The following NPY variants were observed in gnomAD, a reference collection of about 807,000 sequenced individuals.
The protein encoded by NPY is neuropeptide Y.
NPY carries 11 observed loss-of-function variants against 13.2 expected under a neutral mutation model. That is an observed-to-expected ratio of 0.83 (90% CI 0.52 to 1.38). The LOEUF (loss-of-function observed/expected upper bound fraction) is 1.38, where lower values mean the gene tolerates loss of function less well. Ranked by LOEUF, NPY falls within the 40% of genes most tolerant of loss-of-function variation. The pLI is 0.00. For synonymous variants in NPY, 51 were observed against 55.6 expected, an observed-to-expected ratio of 0.92 and a Z score of 0.37; for missense variants, 109 against 125.1, an observed-to-expected ratio of 0.87 and a Z score of 0.61.
chr7:24,285,319 G>A lies in NPY; in HGVS notation c.79G>A (p.Glu27Lys). Residue 27 changes from glutamate to lysine, a missense_variant, in exon 2 of 4, where the codon GAG (glutamate) becomes AAG (lysine). Physicochemically the swap from Glu to Lys is moderately conservative, Grantham distance 56 (BLOSUM62 1). Coordinates refer to ENST00000242152, the MANE Select transcript of NPY (RefSeq NM_000905.4). This position sits in a 1 kb window ranked among gnomAD's most constrained non-coding sequence, Gnocchi z 4.9. ...SLLVCLGALA[E>K]AYPSKPDNPG... ...GCTCGTGTGCCTGGGTGCGCTGGCC[G>A]AGGCGTACCCCTCCAAGCCGGACAA... 2.5e-6 allele frequency: 4 copies of A among 1,614,012 alleles called. No individual in the cohort carries two copies. Among genetic ancestry groups the A allele is most frequent in the Non-Finnish European group, 3.4e-6 (4 of 1,180,012 alleles).
intron 2 of NPY, among the ~76,000 whole-genome samples, chr7:24,288,337 G>C (rs1787468517): frequency 6.6e-6 from 1 of 152,170 alleles, no homozygotes; most frequent in Non-Finnish European, 1.5e-5. Context: ...ACAGGGAGTT[G>C]TTTTGTTTTT....
At chr7:24,291,385 C>T (rs373352194) in intron 3 of NPY, among the ~76,000 whole-genome samples, 2 of 152,132 alleles carry the variant, frequency 1.3e-5, no homozygotes, top group Non-Finnish European at 2.9e-5. Flanking sequence ...GGGTGTTCTT[C>T]GGCTCCTTTG....
chr7:24,287,517 G>T (rs557075502), intron 2 of NPY, among the ~76,000 whole-genome samples: 1 of 134,226 alleles, frequency 7.5e-6, no homozygotes, highest in African/African-American at 2.9e-5. Flanking sequence ...ATATACCCCT[G>T]GCTCATTGCT....
rs1787302363 is a variant in NPY, at chr7:24,285,004, A to C, written c.1-237A>C. 1 of 578,292 alleles carries C rather than the reference A, an allele frequency of 1.7e-6. No homozygotes were observed. Among genetic ancestry groups the C allele is most frequent in the African/African-American group, 1.9e-5 (1 of 53,022 alleles). 35.8% of individuals were successfully genotyped at this position (578,292 alleles called of 1,614,324 possible). On this transcript the variant is annotated intron_variant, in intron 1 of 3. Coordinates refer to ENST00000242152, the MANE Select transcript of NPY (RefSeq NM_000905.4). The surrounding 1 kb of genome is among the most constrained non-coding windows in gnomAD (Gnocchi z 4.9). ...GCGCTTCTTGGTCCCTGAGACTTCG[A>C]ACGAAGTTGCGCGAAGTTTTCAGGT...
chr7:24,286,459 A>G (rs16136), intron 2 of NPY, among the ~76,000 whole-genome samples: 6,514 of 152,242 alleles, frequency 0.043, 460 homozygotes, highest in African/African-American at 0.15. Flanking sequence ...TGTTTAAATT[A>G]TATGTTTAAA....
intron 2 of NPY, among the ~76,000 whole-genome samples, chr7:24,287,410 T>C (rs1583572773): frequency 6.6e-6 from 1 of 152,204 alleles, no homozygotes; most frequent in African/African-American, 2.4e-5. Context: ...TAATTTAGTA[T>C]AGATATAATC....
intron 1 of NPY, 121 bp downstream of exon 1, chr7:24,284,396 C>G (rs1787275513): frequency 6.6e-6 from 1 of 152,590 alleles, no homozygotes; most frequent in African/African-American, 2.4e-5. Flanking sequence ...GCTCCACTCC[C>G]CAGCGGACTA....
At chr7:24,289,711 AT>A (rs1200024246) in intron 3 of NPY, 132 bp downstream of exon 3, 3 of 546,688 alleles carry the variant, frequency 5.5e-6, no homozygotes, top group Admixed American at 3.5e-5. Context: ...AGAAATGAGG[AT>A]GAAGAAGCAG....
chr7:24,287,610 G>A (rs1787440665), intron 2 of NPY, among the ~76,000 whole-genome samples: 1 of 152,052 alleles, frequency 6.6e-6, no homozygotes, highest in African/African-American at 2.4e-5. Flanking sequence ...GTTCTCAACT[G>A]GGGGTGATTT....
chr7:24,291,684 G>A lies in NPY; in HGVS notation c.291G>A (p.Trp97Ter), dbSNP rs1487547055. The A allele has an allele frequency of 4.3e-6, 7 of 1,614,028 alleles. No individual in the cohort carries two copies. In the Admixed American group the frequency reaches 1.0e-4, roughly 23 times the overall value. ...PRTRLEDPAM[W>*] is the part of the protein sequence containing the mutation. ...ACAGGCTTGAAGACCCTGCAATGTG[G>A]TGATGGGAAATGAGACTTGCTCTCT... The change falls in exon 4 of 4, where the codon TGG becomes TGA. Residue 97 changes from tryptophan to a stop codon, truncating the protein, a stop_gained. Coordinates refer to ENST00000242152, the MANE Select transcript of NPY (RefSeq NM_000905.4). LOFTEE classifies it high-confidence loss of function.
chr7:24,291,036 C>T (rs999370108), intron 3 of NPY, among the ~76,000 whole-genome samples: 2 of 151,966 alleles, frequency 1.3e-5, no homozygotes, highest in South Asian at 2.1e-4. Context: ...TAGACTATAT[C>T]GACTTACTGT....
In NPY at chr7:24,285,191, T is replaced by G; in HGVS notation, c.1-50T>G. Reference sequence around the variant, plus strand: ...GGGCAGAGGAGGGAGGTGCTGCGCGTGGGTGCTCTGAATCCCCAAGCCCGT... The same window carrying G: ...GGGCAGAGGAGGGAGGTGCTGCGCGGGGGTGCTCTGAATCCCCAAGCCCGT... On this transcript the variant is annotated intron_variant, in intron 1 of 3. Transcript: ENST00000242152. The surrounding 1 kb of genome is among the most constrained non-coding windows in gnomAD (Gnocchi z 4.9). 1 of 1,594,406 alleles carries G rather than the reference T, an allele frequency of 6.3e-7. No individual in the cohort carries two copies. Among genetic ancestry groups the G allele is most frequent in the Non-Finnish European group, 8.6e-7 (1 of 1,163,152 alleles).
At chr7:24,290,642 C>T (rs573174743) in intron 3 of NPY, among the ~76,000 whole-genome samples, 75 of 151,826 alleles carry the variant, frequency 4.9e-4, no homozygotes, top group Non-Finnish European at 8.1e-4. Flanking sequence ...AAGGGAACAA[C>T]GATTTGAACT....
At chr7:24,287,751 G>GC (rs1270194068) in intron 2 of NPY, among the ~76,000 whole-genome samples, 1 of 152,110 alleles carries the variant, frequency 6.6e-6, no homozygotes, top group African/African-American at 2.4e-5. Flanking sequence ...GCCCAGGACA[G>GC]CCCCCATTAC....
chr7:24,284,606 C>T (rs1787283765), intron 1 of NPY, among the ~76,000 whole-genome samples: 1 of 152,214 alleles, frequency 6.6e-6, no homozygotes, highest in South Asian at 2.1e-4. Context: ...TGCGGGTCGC[C>T]GCCTTGAGGC....
chr7:24,287,185 CAT>C (rs201592954), intron 2 of NPY, among the ~76,000 whole-genome samples: 2,721 of 152,188 alleles, frequency 0.018, 30 homozygotes, highest in Middle Eastern at 0.037. Context: ...GAGAAAAAAA[CAT>C]AAAGGAAAGG....
Position 24,291,540 on chromosome 7 carries a change from C to T in NPY, c.270-123C>T, listed in dbSNP as rs181286065. On this transcript the variant is annotated intron_variant, in intron 3 of 3. Coordinates refer to ENST00000242152, the MANE Select transcript of NPY (RefSeq NM_000905.4). ...CCACATGGCTTCTTATTTAGAATGC[C>T]AACAGGAAACTTTTCAACAGTTCCC... The T allele has an allele frequency of 3.6e-5, 40 of 1,115,876 alleles. No individual in the cohort carries two copies. In the Admixed American group the frequency reaches 6.5e-4, roughly 18 times the overall value. 69.1% of individuals were successfully genotyped at this position (1,115,876 alleles called of 1,614,324 possible).
At chr7:24,290,998 G>C (rs983774030) in intron 3 of NPY, among the ~76,000 whole-genome samples, 18 of 152,022 alleles carry the variant, frequency 1.2e-4, no homozygotes, top group Admixed American at 6.6e-5. Flanking sequence ...ACATGCATAT[G>C]ATGTTTGCCA....
rs1251593824 is a variant in NPY at position 24,285,247 on chromosome 7, G to C, written c.7G>C (p.Gly3Arg). ...GAGCCTTCTGTGCCTGCAGATGCTAGGTAACAAGCGACTGGGGCTGTCCGG... is the reference window on the plus strand; with the variant it reads ...GAGCCTTCTGTGCCTGCAGATGCTACGTAACAAGCGACTGGGGCTGTCCGG... Reference protein sequence around the residue: MLGNKRLGLSGLT... With the variant: MLRNKRLGLSGLT... Residue 3 changes from glycine to arginine, a missense_variant, in exon 2 of 4, where the codon GGT becomes CGT. Gly to Arg is a moderately radical substitution (Grantham distance 125). Transcript: ENST00000242152. The surrounding 1 kb of genome is among the most constrained non-coding windows in gnomAD (Gnocchi z 4.9). 1 of 1,614,050 alleles carries C rather than the reference G, an allele frequency of 6.2e-7. No homozygotes were observed. Among genetic ancestry groups the C allele is most frequent in the Non-Finnish European group, 8.5e-7 (1 of 1,179,966 alleles).
Sources: allele counts gnomAD v4.1 joint callset (sites outside exome capture counted in the v4.1 genomes callset), GRCh38; gene constraint gnomAD v4.1.1; non-coding constraint Gnocchi (gnomAD v3.1); transcripts MANE v1.5; gene names NCBI Gene and HGNC (gene_info 2026-07-23, HGNC 2026-07-21).